Variants in CALN1 observed in about 807,000 individuals in gnomAD.
The protein encoded by CALN1 is calcium-binding protein 8.
CALN1 carries 17 observed loss-of-function variants against 30.6 expected under a neutral mutation model. That is an observed-to-expected ratio of 0.56 (90% CI 0.38 to 0.83). CALN1 has a LOEUF of 0.83. Among genes scored for constraint, CALN1 ranks in the 40% least tolerant of loss-of-function variants. CALN1 has a pLI of 0.00. For synonymous variants in CALN1, 156 were observed against 131.4 expected (o/e 1.19, Z -1.28); for missense variants, 291 against 354.9 (o/e 0.82, Z 1.45).
intron 1 of CALN1, among the ~76,000 whole-genome samples, chr7:72,430,361 A>C (rs1807936479): frequency 6.6e-6 from 1 of 150,498 alleles, no homozygotes; most frequent in South Asian, 2.1e-4. Flanking sequence ...TCTAAGACCT[A>C]GGTATTTAAT....
chr7:71,798,977 C>T lies in CALN1; in HGVS notation c.659-11075G>A, dbSNP rs372113402. Among the ~76,000 whole-genome samples the T allele has an allele frequency of 3.9e-5, 6 of 152,026 alleles. No homozygotes were observed. The East Asian group carries it at 9.6e-4, about 24-fold the overall frequency. ...CCCAATGTGGGCAGTGATTTGACTC[C>T]GGGTATGAATGTGTCAACAGCAAGG... is the stretch of plus-strand genomic sequence containing the variant. On this transcript the variant is annotated intron_variant, in intron 6 of 6. Transcript: ENST00000395275.
At chr7:72,366,414 G>A (rs1024227949) in intron 2 of CALN1, among the ~76,000 whole-genome samples, 5 of 152,124 alleles carry the variant, frequency 3.3e-5, no homozygotes, top group South Asian at 2.1e-4. Context: ...GACCTCAGGT[G>A]ATCCACCTGC....
At chr7:72,444,285 C>T (rs111975748) in intron 1 of CALN1, among the ~76,000 whole-genome samples, 16 of 152,074 alleles carry the variant, frequency 1.1e-4, no homozygotes, top group African/African-American at 3.6e-4. Flanking sequence ...TCCTGGAGTC[C>T]GCAGGCACCC....
At chr7:72,061,535 A>C (rs1803646888) in intron 4 of CALN1, among the ~76,000 whole-genome samples, 1 of 151,820 alleles carries the variant, frequency 6.6e-6, no homozygotes, top group African/African-American at 2.4e-5. Context: ...AAAAAAAAAC[A>C]GTAACAGCAA....
chr7:71,781,800 G>C lies in CALN1; in HGVS notation c.*5975C>G, dbSNP rs952122262. 2 of 152,202 alleles carry C rather than the reference G, an allele frequency of 1.3e-5. No homozygotes were observed. The highest frequency in any genetic ancestry group is 2.4e-5 in the African/African-American group (1 of 41,452). The allele number at this position is 152,202 out of a possible 1,614,324, so 9.4% of individuals were successfully genotyped here. A position where few individuals can be genotyped will look rare whatever the true frequency, so the allele number is the denominator to read the frequency against. On this transcript the variant is annotated 3_prime_UTR_variant, in exon 7 of 7. Transcript: ENST00000395275. ...AGTCTATGCCCGGCATGGGGGTTGT[G>C]CTCAACTGATGAACTACCCCAAGGT...
chr7:71,977,248 T>C (rs371717882), intron 5 of CALN1, among the ~76,000 whole-genome samples: 1 of 151,872 alleles, frequency 6.6e-6, no homozygotes, highest in African/African-American at 2.4e-5. Flanking sequence ...CTCGGCAACA[T>C]AGCGAGACCC....
intron 3 of CALN1, among the ~76,000 whole-genome samples, chr7:72,250,186 T>C (rs1795459393): frequency 6.6e-6 from 1 of 152,144 alleles, no homozygotes; most frequent in African/African-American, 2.4e-5. Context: ...AGCCACTGGC[T>C]CCTCCCCTTA....
At chr7:72,150,785 G>GT (rs1370886278) in intron 3 of CALN1, among the ~76,000 whole-genome samples, 7 of 152,290 alleles carry the variant, frequency 4.6e-5, no homozygotes, top group African/African-American at 1.7e-4. Flanking sequence ...CATCAATCGT[G>GT]TAAGTTTAAG....
At chr7:72,217,090 G>A (rs1476134951) in intron 3 of CALN1, among the ~76,000 whole-genome samples, 1 of 152,150 alleles carries the variant, frequency 6.6e-6, no homozygotes, top group Non-Finnish European at 1.5e-5. Flanking sequence ...AGAGGCAATA[G>A]AGAAAATACA....
chr7:72,088,673 T>G (rs1185229108), intron 4 of CALN1, among the ~76,000 whole-genome samples: 1 of 136,734 alleles, frequency 7.3e-6, no homozygotes, highest in Non-Finnish European at 1.5e-5. Context: ...CACTCCAGCC[T>G]GGGAGACAGA....
Position 71,785,779 on chromosome 7 carries a change from A to T in CALN1, c.*1996T>A, listed in dbSNP as rs191357459. 284 of 153,072 alleles carry T rather than the reference A, an allele frequency of 1.9e-3. 5 individuals carry two copies. The highest frequency in any genetic ancestry group is 0.017 in the Admixed American group (261 of 15,308). 9.5% of individuals were successfully genotyped at this position (153,072 alleles called of 1,614,324 possible). A position where few individuals can be genotyped will look rare whatever the true frequency, so the allele number is the denominator to read the frequency against. ...GGTTCTAGTTGAGAATTCCAATCCTAAGGGGACAGTGGTGAGTCAGCCAAC... is the reference window on the plus strand; with the variant it reads ...GGTTCTAGTTGAGAATTCCAATCCTTAGGGGACAGTGGTGAGTCAGCCAAC... On this transcript the variant is annotated 3_prime_UTR_variant, in exon 7 of 7. Coordinates refer to ENST00000395275, the MANE Select transcript of CALN1 (RefSeq NM_031468.4).
chr7:72,388,618 A>T (rs1162915414), intron 2 of CALN1, among the ~76,000 whole-genome samples: 2 of 152,112 alleles, frequency 1.3e-5, no homozygotes, highest in Non-Finnish European at 2.9e-5. Context: ...AAACCGTTCT[A>T]AAAAAAGTTT....
intron 3 of CALN1, among the ~76,000 whole-genome samples, chr7:72,127,125 T>A (rs1219310757): frequency 1.3e-5 from 2 of 151,810 alleles, no homozygotes. Flanking sequence ...GATGGAATGG[T>A]ACCATTTAAA....
At chr7:72,147,176 C>A (rs956006693) in intron 3 of CALN1, among the ~76,000 whole-genome samples, 1 of 152,154 alleles carries the variant, frequency 6.6e-6, no homozygotes, top group African/African-American at 2.4e-5. Context: ...TCAGAGTGAA[C>A]AGGCAACCTA....
At chr7:71,951,696 T>A (rs1004945807) in intron 5 of CALN1, among the ~76,000 whole-genome samples, 16 of 152,228 alleles carry the variant, frequency 1.1e-4, no homozygotes, top group African/African-American at 3.9e-4. Flanking sequence ...TGGTCTGCTA[T>A]AGCATCTCTA....
At chr7:72,408,396 G>C (rs558639828) in intron 1 of CALN1, among the ~76,000 whole-genome samples, 3 of 152,016 alleles carry the variant, frequency 2.0e-5, no homozygotes, top group African/African-American at 7.2e-5. Flanking sequence ...AGTGAGCTGA[G>C]ATCACGCCAC....
chr7:71,943,211 T>G (rs1292886960), intron 5 of CALN1, among the ~76,000 whole-genome samples: 1 of 152,194 alleles, frequency 6.6e-6, no homozygotes, highest in Admixed American at 6.5e-5. Context: ...ATTTTCTGGT[T>G]TCACAGTAGT....
At chr7:72,434,521 A>AAGAAGG (rs200458612) in intron 1 of CALN1, among the ~76,000 whole-genome samples, 1,851 of 151,348 alleles carry the variant, frequency 0.012, 31 homozygotes, top group African/African-American at 0.032. Context: ...ACTCCATCAG[A>AAGAAGG]AGAAGGAGAA....
chr7:72,082,128 A>G (rs995667700), intron 4 of CALN1, among the ~76,000 whole-genome samples: 17 of 152,050 alleles, frequency 1.1e-4, no homozygotes, highest in Non-Finnish European at 2.5e-4. Flanking sequence ...CTGGGATTAC[A>G]GGCATGTGCC....
Sources: allele counts gnomAD v4.1 joint callset (sites outside exome capture counted in the v4.1 genomes callset), GRCh38; gene constraint gnomAD v4.1.1; transcripts MANE v1.5; gene names NCBI Gene and HGNC (gene_info 2026-07-23, HGNC 2026-07-21).